The following CDHR2 variants were observed in gnomAD, a reference collection of about 807,000 sequenced individuals.
The protein encoded by CDHR2 is cadherin related family member 2, also known as cadherin-related family member 2.
CDHR2 carries 104 observed loss-of-function variants against 138.6 expected under a neutral mutation model. That is an observed-to-expected ratio of 0.75 (90% CI 0.64 to 0.88). CDHR2 has a LOEUF of 0.88. CDHR2 is among the 40% of genes least tolerant of loss of function. The pLI is 0.00. For missense variants in CDHR2, 1,624 were observed against 1,727.6 expected (o/e 0.94, Z 1.06); for synonymous variants, 755 against 742.8 (o/e 1.02, Z -0.27).
At position 176,575,497 on chromosome 5, in the gene CDHR2, C is replaced by A. The variant is rs371315136; in HGVS notation, c.769-9C>A. ...AAGTTTGAGGAGCACTGACCAGGCC[C>A]CATTCCAGGGAACCTCGGTGCTGAC... On this transcript the variant is annotated splice_polypyrimidine_tract_variant and intron_variant, in intron 9 of 31. Coordinates refer to ENST00000261944, the MANE Select transcript of CDHR2 (RefSeq NM_017675.6). 5 of 1,614,076 alleles carry A rather than the reference C, an allele frequency of 3.1e-6. No individual in the cohort carries two copies. Among genetic ancestry groups the A allele is most frequent in the Non-Finnish European group, 4.2e-6 (5 of 1,180,036 alleles).
chr5:176,592,301 G>A (rs111208168), intron 30 of CDHR2, among the ~76,000 whole-genome samples: 83,687 of 132,410 alleles, frequency 0.63, 26,403 homozygotes, highest in Non-Finnish European at 0.7. Context: ...GGTGGTGATG[G>A]TGATGGTGGT....
intron 1 of CDHR2, among the ~76,000 whole-genome samples, chr5:176,564,180 G>A (rs1758029751): frequency 6.6e-6 from 1 of 152,016 alleles, no homozygotes; most frequent in South Asian, 2.1e-4. Context: ...CACATCAGTT[G>A]TCTTTGGGGA....
Position 176,557,712 on chromosome 5 carries a change from T to TC in CDHR2, c.-15-7626_-15-7625insC, listed in dbSNP as rs1561866775. On this transcript the variant is annotated intron_variant, in intron 1 of 31. Coordinates refer to ENST00000261944, the MANE Select transcript of CDHR2 (RefSeq NM_017675.6). ...TTTCTTTCTTTCTTTCTTTCTTTCT[T>TC]TTTTTTTTATTTTGAAATGGAGTCT... Among the ~76,000 whole-genome samples, 305 of 145,944 alleles carry TC rather than the reference T, an allele frequency of 2.1e-3. 3 individuals carry two copies. The highest frequency in any genetic ancestry group is 7.8e-3 in the African/African-American group (296 of 37,798).
At chr5:176,573,262 G>C (rs1224049704) in intron 6 of CDHR2, among the ~76,000 whole-genome samples, 1 of 151,526 alleles carries the variant, frequency 6.6e-6, no homozygotes, top group Non-Finnish European at 1.5e-5. Context: ...TGGGCAGAAT[G>C]GGGGGACTCT....
chr5:176,584,606 C>T lies in CDHR2; in HGVS notation c.2325C>T (p.Asn775=). Residue 775 remains asparagine, a synonymous_variant, in exon 19 of 32, where the codon AAC becomes AAT. Coordinates refer to ENST00000261944, the MANE Select transcript of CDHR2 (RefSeq NM_017675.6). Reference sequence around the variant, plus strand: ...ATTACGAGACACAGCCCGTCTTCAACTTGACAGTGAGTGCTGAGAACCCAG... The same window carrying T: ...ATTACGAGACACAGCCCGTCTTCAATTTGACAGTGAGTGCTGAGAACCCAG... ...SLDYETQPVF[N]LTVSAENPDP... The T allele has an allele frequency of 6.2e-7, 1 of 1,607,016 alleles. No homozygotes were observed. Among genetic ancestry groups the T allele is most frequent in the Non-Finnish European group, 8.5e-7 (1 of 1,174,914 alleles).
chr5:176,576,107 C>T lies in CDHR2; in HGVS notation c.1116C>T (p.Phe372=). The change falls in exon 12 of 32, where the codon TTC becomes TTT. Residue 372 remains phenylalanine, a synonymous_variant. Transcript: ENST00000261944. The surrounding 1 kb of genome is among the most constrained non-coding windows in gnomAD (Gnocchi z 4.5). ...CCCCCGAAGAGGCCCAAGTGAACTT[C>T]ACTGGCTACGTGGACGAGCATGCCT... ...TFTPEEAQVN[F]TGYVDEHASP... 1.2e-6 allele frequency: 2 copies of T among 1,614,154 alleles called. No homozygotes were observed. The highest frequency in any genetic ancestry group is 8.5e-7 in the Non-Finnish European group (1 of 1,180,040).
chr5:176,588,186 C>G (rs550623178), intron 21 of CDHR2, among the ~76,000 whole-genome samples: 14 of 145,998 alleles, frequency 9.6e-5, no homozygotes, highest in African/African-American at 3.1e-4. Context: ...CTGAGCATCG[C>G]TGTGTGTGTG....
At chr5:176,546,686 C>A (rs74447589), upstream of CDHR2, among the ~76,000 whole-genome samples, 1,710 of 147,728 alleles carry the variant, frequency 0.012, 35 homozygotes, top group African/African-American at 0.041. Context: ...TTTGGGAGGC[C>A]GACACGGGTG....
intron 3 of CDHR2, among the ~76,000 whole-genome samples, chr5:176,567,803 A>G (rs1204383879): frequency 2.0e-5 from 3 of 152,096 alleles, no homozygotes; most frequent in Non-Finnish European, 4.4e-5. Context: ...TAATTTTTAA[A>G]TTTTTTTGTA....
Position 176,543,728 on chromosome 5 carries a change from G to C in CDHR2, c.-16+959G>C, listed in dbSNP as rs917668965. 1.3e-5 allele frequency: 2 copies of C among 152,192 alleles called. No individual in the cohort carries two copies. The highest frequency in any genetic ancestry group is 2.9e-5 in the Non-Finnish European group (2 of 68,066). The allele number at this position is 152,192 out of a possible 1,614,324, so 9.4% of individuals were successfully genotyped here. A position where few individuals can be genotyped will look rare whatever the true frequency, so the allele number is the denominator to read the frequency against. On this transcript the variant is annotated intron_variant, in intron 1 of 31. Coordinates refer to the CDHR2 transcript ENST00000510636. This position sits in a 1 kb window ranked among gnomAD's most constrained non-coding sequence, Gnocchi z 4.0. ...CCGGTGGGCGCGGAGGTAGCTAATA[G>C]CTGTCTGGGGTCAGCAGATCTTGGT... is the stretch of plus-strand genomic sequence containing the variant.
chr5:176,591,618 ATGG>A (rs10579899), intron 30 of CDHR2, 134 bp downstream of exon 30: 244,719 of 673,458 alleles, frequency 0.36, 51,275 homozygotes, highest in Non-Finnish European at 0.42. Context: ...AGTGGTAGTT[ATGG>A]TGGTGGTGGT....
At chr5:176,563,630 G>A (rs1259200391) in intron 1 of CDHR2, among the ~76,000 whole-genome samples, 1 of 152,100 alleles carries the variant, frequency 6.6e-6, no homozygotes, top group African/African-American at 2.4e-5. Flanking sequence ...TCAGTCCTGC[G>A]AACTCTATTT....
chr5:176,581,627 C>A lies in CDHR2; in HGVS notation c.2058+45C>A, dbSNP rs111879540. 3.1e-6 allele frequency: 5 copies of A among 1,598,252 alleles called. No homozygotes were observed. The South Asian group carries it at 5.6e-5, about 18-fold the overall frequency. On this transcript the variant is annotated intron_variant, in intron 17 of 31. Coordinates refer to ENST00000261944, the MANE Select transcript of CDHR2 (RefSeq NM_017675.6). ...GGATGGGCCTGGGGGCCTCCCAAGCCGATAGCCAGCCCCTCCAGCTTGAGT... is the reference window on the plus strand; with the variant it reads ...GGATGGGCCTGGGGGCCTCCCAAGCAGATAGCCAGCCCCTCCAGCTTGAGT...
chr5:176,550,947 C>T (rs1044475484), intron 1 of CDHR2, among the ~76,000 whole-genome samples: 6 of 152,224 alleles, frequency 3.9e-5, no homozygotes, highest in Non-Finnish European at 8.8e-5. Context: ...CTGGAGACTA[C>T]ACATCTCATG....
chr5:176,571,757 C>T (rs10062443), intron 6 of CDHR2, among the ~76,000 whole-genome samples: 36,322 of 151,204 alleles, frequency 0.24, 4,433 homozygotes, highest in East Asian at 0.46. Flanking sequence ...AGGATGGTCT[C>T]GATTTCCTGA....
rs202226659 is a variant in CDHR2, at chr5:176,590,451, T to C, written c.3380T>C (p.Leu1127Pro). Residue 1127 changes from leucine (L) to proline (P), a missense_variant, in exon 27 of 32, where the codon CTG becomes CCG. Around this residue, in one of 3 missense-constraint regions of CDHR2, gnomAD observed 556 missense variants for 565.7 expected, o/e 0.98. Transcript: ENST00000261944. ...ATGATCCGGAATGATCAGGACTCGC[T>C]GACGCAGCTGCTGCAGCTGGGGCTG... ...SVMIRNDQDS[L>P]TQLLQLGLVV... The C allele has an allele frequency of 2.8e-4, 453 of 1,613,884 alleles. No homozygotes were observed. Among genetic ancestry groups the C allele is most frequent in the Non-Finnish European group, 3.7e-4 (432 of 1,179,958 alleles).
rs112567582 is a variant in CDHR2, at chr5:176,585,842, G to A, written c.2735-112G>A. ...GCACAGGGTTGAGGCTGCGGGGCAC[G>A]GGGTTGAGGCTGCGGGGCATGGGGT... On this transcript the variant is annotated intron_variant, in intron 19 of 31. Coordinates refer to ENST00000261944, the MANE Select transcript of CDHR2 (RefSeq NM_017675.6). The A allele has an allele frequency of 1.1e-3, 859 of 806,792 alleles. 5 individuals are homozygous for A. Among genetic ancestry groups the A allele is most frequent in the South Asian group, 7.2e-3 (486 of 67,400 alleles). The allele number at this position is 806,792 out of a possible 1,614,324, so 50.0% of individuals were successfully genotyped here. A position where few individuals can be genotyped will look rare whatever the true frequency, so the allele number is the denominator to read the frequency against.
At chr5:176,563,338 ACT>A (rs1252672065) in intron 1 of CDHR2, among the ~76,000 whole-genome samples, 17 of 152,090 alleles carry the variant, frequency 1.1e-4, no homozygotes, top group African/African-American at 4.1e-4. Context: ...ACAGAGTGAG[ACT>A]CTGTCTCAAA....
At chr5:176,595,951 A>C, downstream of CDHR2, 1 of 315,924 alleles carries the variant, frequency 3.2e-6, no homozygotes, top group Non-Finnish European at 5.8e-6. Flanking sequence ...TGGCCTTTAA[A>C]AGACAACTGT....
Sources: gnomAD v4.1 joint callset for allele counts (sites outside exome capture counted in the v4.1 genomes callset) on GRCh38, gnomAD v4.1.1 for gene constraint, gnomAD v4.1.1 regional missense constraint, Gnocchi (gnomAD v3.1) non-coding constraint, MANE v1.5 for transcripts, NCBI Gene and HGNC (gene_info 2026-07-23, HGNC 2026-07-21) for gene names.